The following SDCCAG8 variants were observed in gnomAD, a reference collection of about 807,000 sequenced individuals.
The protein encoded by SDCCAG8 is SHH signaling and ciliogenesis regulator SDCCAG8.
A neutral mutation model predicts 101.8 loss-of-function variants in SDCCAG8; 74 were observed. That is an observed-to-expected ratio of 0.73 (90% CI 0.60 to 0.88). SDCCAG8 has a LOEUF of 0.88. Ranked by LOEUF, SDCCAG8 falls within the 40% of genes least tolerant of loss-of-function variation. SDCCAG8 has a pLI of 0.00. For missense variants in SDCCAG8, 787 were observed against 822.6 expected (o/e 0.96, Z 0.53); for synonymous variants, 281 against 292.9 (o/e 0.96, Z 0.41).
In SDCCAG8 at chr1:243,256,102, CTGT is replaced by C. The variant is rs1188685690; in HGVS notation, c.-67_-65del. 23 of 1,447,090 alleles carry C rather than the reference CTGT, an allele frequency of 1.6e-5. No homozygotes were observed. The East Asian group carries it at 3.2e-4, about 20-fold the overall frequency. 89.6% of individuals were successfully genotyped at this position (1,447,090 alleles called of 1,614,324 possible). ...AGGCGGGCGCTCCCCGGCCACAGGC[CTGT>C]TGTTCTCGGAAGGGAGAAAGCTGGA... On this transcript the variant is annotated 5_prime_UTR_variant, in exon 1 of 18. Coordinates refer to ENST00000366541, the MANE Select transcript of SDCCAG8 (RefSeq NM_006642.5).
rs544182182 is a variant in SDCCAG8 at position 243,481,172 on chromosome 1, G to A, written c.1986-7842G>A. Among the ~76,000 whole-genome samples, 32 of 151,200 alleles carry A rather than the reference G, an allele frequency of 2.1e-4. No homozygotes were observed. The East Asian group carries it at 2.1e-3, about 10-fold the overall frequency. ...TGTAGATTTTAAAAATCATGCAGGC[G>A]GAACATTTCCAGTCAGGAGAGCACT... On this transcript the variant is annotated intron_variant, in intron 16 of 17. Coordinates refer to ENST00000366541, the MANE Select transcript of SDCCAG8 (RefSeq NM_006642.5).
intron 13 of SDCCAG8, among the ~76,000 whole-genome samples, chr1:243,395,867 T>A (rs2079002119): frequency 1.3e-5 from 2 of 152,186 alleles, no homozygotes; most frequent in South Asian, 4.1e-4. Flanking sequence ...ATAAGAAATA[T>A]TTAATTTTTA....
intron 15 of SDCCAG8, 31 bp from the exon 16 acceptor site, chr1:243,426,392 TCTAA>T: frequency 1.3e-6 from 2 of 1,587,008 alleles, no homozygotes; most frequent in Admixed American, 3.4e-5. Context: ...AATAAGAACT[TCTAA>T]CATCTATTAT....
rs150551100 is a variant in SDCCAG8 at position 243,411,442 on chromosome 1, A to G, written c.1617-4260A>G. On this transcript the variant is annotated intron_variant, in intron 13 of 17. Coordinates refer to ENST00000366541, the MANE Select transcript of SDCCAG8 (RefSeq NM_006642.5). ...TTTTAAAGATCAGCTTTATTGGGGTAAATTTAAATATAATAAAATATCACC... is the reference window on the plus strand; with the variant it reads ...TTTTAAAGATCAGCTTTATTGGGGTGAATTTAAATATAATAAAATATCACC... 2.3e-3 allele frequency among the ~76,000 whole-genome samples: 344 copies of G among 152,294 alleles called. 3 individuals carry two copies. The highest frequency in any genetic ancestry group is 7.7e-3 in the African/African-American group (319 of 41,556).
chr1:243,478,543 C>G (rs1430744798), intron 16 of SDCCAG8, among the ~76,000 whole-genome samples: 1 of 152,170 alleles, frequency 6.6e-6, no homozygotes, highest in East Asian at 1.9e-4. Flanking sequence ...AGGGGCAGTA[C>G]AGGACATACA....
chr1:243,295,375 C>T (rs2070766084), intron 6 of SDCCAG8, among the ~76,000 whole-genome samples: 1 of 152,088 alleles, frequency 6.6e-6, no homozygotes, highest in African/African-American at 2.4e-5. Context: ...GTAGCTGGGA[C>T]TACAGGTGTG....
At chr1:243,335,751 AG>A (rs1429297141) in intron 10 of SDCCAG8, among the ~76,000 whole-genome samples, 1 of 151,772 alleles carries the variant, frequency 6.6e-6, no homozygotes, top group Non-Finnish European at 1.5e-5. Flanking sequence ...ACATAAGCAT[AG>A]TACCCAATAG....
chr1:243,366,599 A>G lies in SDCCAG8; in HGVS notation c.1474-12122A>G, dbSNP rs568196969. Among the ~76,000 whole-genome samples, 15 of 152,148 alleles carry G rather than the reference A, an allele frequency of 9.9e-5. No individual in the cohort carries two copies. The South Asian group carries it at 3.1e-3, about 32-fold the overall frequency. ...ATTAATACTTATAATTTCCTGCTGT[A>G]AATTTTTATGAAAACTAAATAAGAG... is the stretch of plus-strand genomic sequence containing the variant. On this transcript the variant is annotated intron_variant, in intron 12 of 17. Transcript: ENST00000366541.
intron 5 of SDCCAG8, among the ~76,000 whole-genome samples, chr1:243,288,638 C>T (rs1315931864): frequency 1.3e-5 from 2 of 152,066 alleles, no homozygotes; most frequent in African/African-American, 4.8e-5. Context: ...AATGTTGGTG[C>T]TAAATCTTCC....
intron 13 of SDCCAG8, among the ~76,000 whole-genome samples, chr1:243,414,665 G>A (rs576867497): frequency 1.3e-5 from 2 of 152,210 alleles, no homozygotes; most frequent in Non-Finnish European, 2.9e-5. Context: ...ATAGCTTTAT[G>A]GAATTGTTTA....
At chr1:243,296,698 G>A (rs926801845) in intron 6 of SDCCAG8, among the ~76,000 whole-genome samples, 17 of 151,372 alleles carry the variant, frequency 1.1e-4, no homozygotes, top group Admixed American at 2.6e-4. Flanking sequence ...GCCCGCCACT[G>A]CGCCCGGCTA....
intron 1 of SDCCAG8, among the ~76,000 whole-genome samples, chr1:243,262,994 T>A (rs916225435): frequency 6.6e-6 from 1 of 152,240 alleles, no homozygotes; most frequent in African/African-American, 2.4e-5. Context: ...CACCTATTCC[T>A]GACACCTGGA....
At chr1:243,260,247 TGTGTCCTGG>T (rs2067101942) in intron 1 of SDCCAG8, among the ~76,000 whole-genome samples, 3 of 152,338 alleles carry the variant, frequency 2.0e-5, no homozygotes, top group Admixed American at 2.0e-4. Context: ...TAAAAGTGTA[TGTGTCCTGG>T]GTATCCTGGG....
intron 6 of SDCCAG8, among the ~76,000 whole-genome samples, chr1:243,296,928 A>C (rs1343345355): frequency 6.6e-6 from 1 of 152,060 alleles, no homozygotes; most frequent in Non-Finnish European, 1.5e-5. Context: ...ACATTGGTTG[A>C]TTATACCCTC....
intron 11 of SDCCAG8, 126 bp downstream of exon 11, chr1:243,341,299 CAAG>C: frequency 9.6e-7 from 1 of 1,042,176 alleles, no homozygotes; most frequent in Non-Finnish European, 1.4e-6. Context: ...TTTGTGATTT[CAAG>C]AATAATAAAA....
intron 13 of SDCCAG8, among the ~76,000 whole-genome samples, chr1:243,407,519 G>T (rs1160612326): frequency 5.9e-5 from 9 of 152,126 alleles, no homozygotes; most frequent in Non-Finnish European, 1.2e-4. Context: ...AAAAGTAGAT[G>T]GGAATTGTGC....
chr1:243,292,432 A>T (rs2070367489), intron 5 of SDCCAG8, among the ~76,000 whole-genome samples: 1 of 152,164 alleles, frequency 6.6e-6, no homozygotes, highest in Admixed American at 6.5e-5. Context: ...TGCTCCTATC[A>T]CCCATGTCAC....
chr1:243,307,446 A>G, intron 7 of SDCCAG8: 3 of 982,108 alleles, frequency 3.1e-6, no homozygotes, highest in Non-Finnish European at 3.6e-6. Flanking sequence ...TATCTATCTA[A>G]CAGTAATGTT....
In SDCCAG8 at chr1:243,341,225, A is replaced by C. The variant is rs753946148; in HGVS notation, c.1356+52A>C. ...GTTACTTAAGGAAATATTTCCTTTGAAAAATGTTTTCCTAATGTACAAAAC... is the reference window on the plus strand; with the variant it reads ...GTTACTTAAGGAAATATTTCCTTTGCAAAATGTTTTCCTAATGTACAAAAC... On this transcript the variant is annotated intron_variant, in intron 11 of 17. Coordinates refer to ENST00000366541, the MANE Select transcript of SDCCAG8 (RefSeq NM_006642.5). 3.1e-6 allele frequency: 5 copies of C among 1,595,160 alleles called. No individual in the cohort carries two copies. In the Admixed American group the frequency reaches 5.0e-5, roughly 16 times the overall value.
Sources: gnomAD v4.1 joint callset for allele counts (sites outside exome capture counted in the v4.1 genomes callset) on GRCh38, gnomAD v4.1.1 for gene constraint, MANE v1.5 for transcripts, NCBI Gene and HGNC (gene_info 2026-07-23, HGNC 2026-07-21) for gene names.